NR3C1: variants seen among roughly 807,000 people sequenced by gnomAD.
The protein encoded by NR3C1 is glucocorticoid receptor.
A neutral mutation model predicts 74.0 loss-of-function variants in NR3C1; 14 were observed. The observed-to-expected ratio is 0.19, with a 90% CI of 0.12 to 0.30. The LOEUF (loss-of-function observed/expected upper bound fraction) is 0.30, where lower values mean the gene tolerates loss of function less well. NR3C1 is among the 10% of genes least tolerant of loss of function. The pLI is 1.00. For missense variants in NR3C1, 695 were observed against 909.8 expected (o/e 0.76, Z 3.04); for synonymous variants, 308 against 332.5 (o/e 0.93, Z 0.80).
chr5:143,362,506 G>A (rs1406500933), intron 2 of NR3C1, among the ~76,000 whole-genome samples: 4 of 151,734 alleles, frequency 2.6e-5, no homozygotes, highest in East Asian at 1.9e-4. Context: ...GACTACAGGC[G>A]CCCGCCACCA....
chr5:143,385,204 C>A (rs1327048973), intron 2 of NR3C1, among the ~76,000 whole-genome samples: 1 of 152,234 alleles, frequency 6.6e-6, no homozygotes, highest in African/African-American at 2.4e-5. Context: ...AGCAGCGCAA[C>A]CCTGGGCCTG....
intron 4 of NR3C1, among the ~76,000 whole-genome samples, chr5:143,307,647 C>T (rs770327544): frequency 2.6e-5 from 4 of 151,772 alleles, no homozygotes; most frequent in Middle Eastern, 3.2e-3. Context: ...AAACCTATTT[C>T]GAAATATAAA....
chr5:143,333,060 C>G, intron 2 of NR3C1: 2 of 1,593,974 alleles, frequency 1.3e-6, no homozygotes, highest in Non-Finnish European at 1.7e-6. Context: ...CTTGGAAGAC[C>G]TCATTCATGA....
chr5:143,353,482 T>C (rs1391662367), intron 2 of NR3C1, among the ~76,000 whole-genome samples: 1 of 152,174 alleles, frequency 6.6e-6, no homozygotes, highest in East Asian at 1.9e-4. Flanking sequence ...ATGTACTGAT[T>C]TGAAACTTGA....
chr5:143,308,305 A>T (rs1820099140), intron 4 of NR3C1, among the ~76,000 whole-genome samples: 1 of 152,112 alleles, frequency 6.6e-6, no homozygotes, highest in South Asian at 2.1e-4. Flanking sequence ...TCTACAAAAA[A>T]TTAAAACAAA....
At chr5:143,328,583 C>T (rs1825186695) in intron 2 of NR3C1, among the ~76,000 whole-genome samples, 2 of 152,212 alleles carry the variant, frequency 1.3e-5, no homozygotes, top group Admixed American at 1.3e-4. Context: ...TGTTCTGCTT[C>T]ACTTCTAAAC....
rs150891577 is a variant in NR3C1, at chr5:143,384,163, C to T, written c.1184+15493G>A. Among the ~76,000 whole-genome samples the T allele has an allele frequency of 1.6e-3, 242 of 152,262 alleles. 4 individuals are homozygous for T. In the East Asian group the frequency reaches 0.022, roughly 14 times the overall value. ...GAAGTGCCACACACTTTCAAACAAC[C>T]AGGTCTCATGAGAACTCACGATCAT... On this transcript the variant is annotated intron_variant, in intron 2 of 8. Transcript: ENST00000394464.
At chr5:143,375,110 T>A (rs1289880349) in intron 2 of NR3C1, among the ~76,000 whole-genome samples, 1 of 152,192 alleles carries the variant, frequency 6.6e-6, no homozygotes, top group Non-Finnish European at 1.5e-5. Context: ...CCTCACTCTT[T>A]CGGCTGAGAA....
chr5:143,343,204 A>G (rs1167267614), intron 2 of NR3C1, among the ~76,000 whole-genome samples: 1 of 152,222 alleles, frequency 6.6e-6, no homozygotes, highest in East Asian at 1.9e-4. Context: ...AGAGCCCAGA[A>G]CTAGGAAATG....
rs188740337 is a variant in NR3C1, at chr5:143,326,580, C to T, written c.1185-12412G>A. ...AGGAGTGTTTTGTATATTCATACCA[C>T]GATTTTTGCCCTTAGAGGAACTCTG... On this transcript the variant is annotated intron_variant, in intron 2 of 8. Coordinates refer to ENST00000394464, the MANE Select transcript of NR3C1 (RefSeq NM_000176.3). 3.5e-4 allele frequency among the ~76,000 whole-genome samples: 54 copies of T among 152,206 alleles called. 1 individual carries two copies. The highest frequency in any genetic ancestry group is 1.1e-3 in the African/African-American group (45 of 41,526).
At chr5:143,401,166 A>G in intron 1 of NR3C1, 1 of 365,842 alleles carries the variant, frequency 2.7e-6, no homozygotes, top group South Asian at 2.7e-5. Context: ...CACAGACATT[A>G]TAATTCATTA....
At chr5:143,364,983 A>G (rs1832935830) in intron 2 of NR3C1, among the ~76,000 whole-genome samples, 2 of 152,234 alleles carry the variant, frequency 1.3e-5, no homozygotes, top group Non-Finnish European at 2.9e-5. Flanking sequence ...CTGGGATTAC[A>G]GGCATGAGCC....
At chr5:143,410,588 G>T (rs188728817) in intron 1 of NR3C1, among the ~76,000 whole-genome samples, 5 of 152,152 alleles carry the variant, frequency 3.3e-5, no homozygotes, top group African/African-American at 1.2e-4. Context: ...TGAGCCTGGG[G>T]TAGGCATTTG....
intron 3 of NR3C1, among the ~76,000 whole-genome samples, chr5:143,312,346 T>C (rs1167317028): frequency 6.6e-6 from 1 of 152,158 alleles, no homozygotes; most frequent in African/African-American, 2.4e-5. Flanking sequence ...ATAGTTCTGC[T>C]GCATTGATCA....
At chr5:143,290,373 CTG>C (rs1229228898) in intron 7 of NR3C1, among the ~76,000 whole-genome samples, 1 of 152,228 alleles carries the variant, frequency 6.6e-6, no homozygotes, top group Non-Finnish European at 1.5e-5. Flanking sequence ...GTGACAGAGA[CTG>C]TGCAAAGCTA....
rs529505095 is a variant in NR3C1 at position 143,379,898 on chromosome 5, T to C, written c.1184+19758A>G. The stretch of plus-strand genomic sequence containing the variant: ...TTGTAGACTCATGAAGAATAATAAA[T>C]GGTTGTTATTTTAAAGCCACTAAAT... On this transcript the variant is annotated intron_variant, in intron 2 of 8. Coordinates refer to ENST00000394464, the MANE Select transcript of NR3C1 (RefSeq NM_000176.3). Among the ~76,000 whole-genome samples the C allele has an allele frequency of 3.9e-5, 6 of 152,284 alleles. No homozygotes were observed. In the South Asian group the frequency reaches 1.2e-3, roughly 32 times the overall value.
intron 2 of NR3C1, chr5:143,332,843 T>C (rs1826284155): frequency 6.8e-7 from 1 of 1,460,202 alleles, no homozygotes; most frequent in Non-Finnish European, 9.5e-7. Context: ...TAAAGAAAAT[T>C]TTTAGTGGTA....
At chr5:143,370,887 TGA>T (rs1834121156) in intron 2 of NR3C1, among the ~76,000 whole-genome samples, 1 of 152,242 alleles carries the variant, frequency 6.6e-6, no homozygotes, top group Non-Finnish European at 1.5e-5. Flanking sequence ...GCTTCGCATC[TGA>T]GAGTGATGGC....
intron 2 of NR3C1, among the ~76,000 whole-genome samples, chr5:143,368,864 C>G (rs1314723951): frequency 6.6e-6 from 1 of 152,156 alleles, no homozygotes; most frequent in African/African-American, 2.4e-5. Flanking sequence ...CAAGGGGCCA[C>G]AGCTGATGAA....
Sources: gnomAD v4.1 joint callset for allele counts (sites outside exome capture counted in the v4.1 genomes callset) on GRCh38, gnomAD v4.1.1 for gene constraint, MANE v1.5 for transcripts, NCBI Gene and HGNC (gene_info 2026-07-23, HGNC 2026-07-21) for gene names.